TTLL5: variants seen among roughly 807,000 people sequenced by gnomAD.
TTLL5 encodes the protein tubulin polyglutamylase TTLL5.
In TTLL5, 132 loss-of-function variants were observed where a neutral mutation model predicts 168.4. That is an observed-to-expected ratio of 0.78 (90% CI 0.68 to 0.91). The LOEUF is 0.91. TTLL5 is among the 40% of genes least tolerant of loss of function. The pLI, the probability that TTLL5 is intolerant of heterozygous loss-of-function variation, is 0.00. For synonymous variants in TTLL5, 546 were observed against 558.6 expected (o/e 0.98, Z 0.32); for missense variants, 1,545 against 1,581.5 (o/e 0.98, Z 0.39).
chr14:75,716,642 C>T (rs1887481688), intron 9 of TTLL5, among the ~76,000 whole-genome samples: 1 of 151,586 alleles, frequency 6.6e-6, no homozygotes, highest in Non-Finnish European at 1.5e-5. Context: ...CTTGGGAAAA[C>T]CACTCTAGTG....
intron 31 of TTLL5, among the ~76,000 whole-genome samples, chr14:75,906,993 T>A (rs1474501): frequency 0.83 from 126,666 of 152,244 alleles, 52,788 homozygotes; most frequent in Admixed American, 0.88. Flanking sequence ...CATAATTGAG[T>A]TATCACAAAG....
At chr14:75,870,700 GGT>G (rs1349646275) in intron 29 of TTLL5, among the ~76,000 whole-genome samples, 4 of 151,984 alleles carry the variant, frequency 2.6e-5, no homozygotes, top group Non-Finnish European at 4.4e-5. Flanking sequence ...TTCTATGATA[GGT>G]GTTTTTCAGA....
intron 30 of TTLL5, among the ~76,000 whole-genome samples, chr14:75,900,179 G>A (rs994764518): frequency 1.3e-5 from 2 of 152,150 alleles, no homozygotes; most frequent in African/African-American, 2.4e-5. Flanking sequence ...AATAAAATGC[G>A]TGAGGATTTC....
chr14:75,940,089 T>C (rs1369696299), intron 31 of TTLL5, among the ~76,000 whole-genome samples: 8 of 145,092 alleles, frequency 5.5e-5, no homozygotes, highest in Non-Finnish European at 4.5e-5. Flanking sequence ...TTTTTTTTTT[T>C]TTTTTTTTTT....
chr14:75,837,117 T>A (rs1895911395), intron 28 of TTLL5: 1 of 152,266 alleles, frequency 6.6e-6, no homozygotes, highest in Non-Finnish European at 1.5e-5. Flanking sequence ...GCAGTTAAGG[T>A]GTCAGCCAAG....
chr14:75,917,720 C>T (rs1210220160), intron 31 of TTLL5, among the ~76,000 whole-genome samples: 2 of 152,258 alleles, frequency 1.3e-5, no homozygotes, highest in Admixed American at 6.5e-5. Flanking sequence ...GAACCGCCTT[C>T]GAAGGGACAG....
intron 28 of TTLL5, among the ~76,000 whole-genome samples, chr14:75,846,663 G>A (rs985711895): frequency 6.6e-6 from 1 of 152,008 alleles, no homozygotes; most frequent in Non-Finnish European, 1.5e-5. Context: ...GGTGGCGCGT[G>A]CCCGTAATCC....
At chr14:75,875,513 G>A (rs1348833101) in intron 29 of TTLL5, among the ~76,000 whole-genome samples, 1 of 151,266 alleles carries the variant, frequency 6.6e-6, no homozygotes, top group Admixed American at 6.6e-5. Context: ...CTGCACTCCA[G>A]CCTGGCAACA....
intron 31 of TTLL5, among the ~76,000 whole-genome samples, chr14:75,935,206 C>CG (rs749745898): frequency 3.0e-4 from 45 of 152,122 alleles, no homozygotes; most frequent in Non-Finnish European, 4.7e-4. Flanking sequence ...CAATCAGAGT[C>CG]TATGTGGCAA....
At chr14:75,791,887 A>T (rs1566606329) in intron 26 of TTLL5, among the ~76,000 whole-genome samples, 1 of 152,056 alleles carries the variant, frequency 6.6e-6, no homozygotes, top group Non-Finnish European at 1.5e-5. Context: ...TGACTTTTAC[A>T]ATCAGGAAAA....
At chr14:75,848,144 T>C (rs1896656269) in intron 28 of TTLL5, among the ~76,000 whole-genome samples, 1 of 152,032 alleles carries the variant, frequency 6.6e-6, no homozygotes, top group Non-Finnish European at 1.5e-5. Context: ...GGCAGGTTAC[T>C]GGAGCCAGAA....
At chr14:75,735,350 A>G in intron 15 of TTLL5, 61 bp downstream of exon 15, 1 of 1,539,008 alleles carries the variant, frequency 6.5e-7, no homozygotes, top group South Asian at 1.1e-5. Flanking sequence ...CGGCTGATGT[A>G]ACTGTGGGAG....
At chr14:75,750,699 C>T (rs1445580107) in intron 17 of TTLL5, among the ~76,000 whole-genome samples, 8 of 152,126 alleles carry the variant, frequency 5.3e-5, no homozygotes, top group Admixed American at 5.2e-4. Flanking sequence ...GCCAGTGCCC[C>T]TAAACCCCAC....
chr14:75,827,222 T>C (rs1895221344), intron 28 of TTLL5, among the ~76,000 whole-genome samples: 1 of 152,150 alleles, frequency 6.6e-6, no homozygotes, highest in Non-Finnish European at 1.5e-5. Flanking sequence ...TATATGGTAT[T>C]TGCTACACTG....
chr14:75,836,955 T>C (rs909361650), intron 28 of TTLL5, among the ~76,000 whole-genome samples: 73 of 152,338 alleles, frequency 4.8e-4, no homozygotes, highest in Non-Finnish European at 9.4e-4. Flanking sequence ...ATCAATGTGA[T>C]TGCATTGGTT....
At chr14:75,862,095 G>A (rs1444151061) in intron 28 of TTLL5, among the ~76,000 whole-genome samples, 1 of 152,118 alleles carries the variant, frequency 6.6e-6, no homozygotes, top group Non-Finnish European at 1.5e-5. Flanking sequence ...CACATAAGTG[G>A]CATCATATAA....
rs150898821 is a variant in TTLL5 at position 75,766,268 on chromosome 14, G to A, written c.1915G>A (p.Glu639Lys). The A allele has an allele frequency of 3.1e-6, 5 of 1,614,058 alleles. No homozygotes were observed. The African/African-American group carries it at 6.7e-5, about 22-fold the overall frequency. The part of the protein sequence containing the change: ...TPKENSMKVR[E>K]WNNKGGHCCK... ...CAAAGAAAATTCCATGAAAGTTCGTGAATGGAATAATAAAGGTGGACACTG... is the reference window on the plus strand; with the variant it reads ...CAAAGAAAATTCCATGAAAGTTCGTAAATGGAATAATAAAGGTGGACACTG... The change falls in exon 20 of 32, where the codon GAA becomes AAA. Residue 639 changes from glutamate (E) to lysine (K), a missense_variant. Physicochemically the swap from Glu to Lys is moderately conservative, Grantham distance 56. Coordinates refer to ENST00000298832, the MANE Select transcript of TTLL5 (RefSeq NM_015072.5).
At chr14:75,763,310 ACATTGGAAC>A (rs1395775380) in intron 18 of TTLL5, among the ~76,000 whole-genome samples, 5 of 150,096 alleles carry the variant, frequency 3.3e-5, no homozygotes, top group Non-Finnish European at 7.4e-5. Flanking sequence ...CTGATAAAAT[ACATTGGAAC>A]CATTTTTAAA....
At position 75,766,336 on chromosome 14, in the gene TTLL5, G is replaced by C; in HGVS notation, c.1983G>C (p.Leu661=). 7 of 1,612,446 alleles carry C rather than the reference G, an allele frequency of 4.3e-6. No individual in the cohort carries two copies. Among genetic ancestry groups the C allele is most frequent in the Non-Finnish European group, 5.9e-6 (7 of 1,179,490 alleles). Residue 661 remains leucine (L), a synonymous_variant, in exon 20 of 32, where the codon CTG becomes CTC. Coordinates refer to ENST00000298832, the MANE Select transcript of TTLL5 (RefSeq NM_015072.5). ...ETQELEPKFN[L]MQILQDNGNL... is the part of the protein sequence containing the mutation. ...AGGAGCTAGAGCCTAAATTTAACCT[G>C]ATGCAGATTCTTCAAGATAATGGCA...
Sources: allele counts gnomAD v4.1 joint callset (sites outside exome capture counted in the v4.1 genomes callset), GRCh38; gene constraint gnomAD v4.1.1; transcripts MANE v1.5; gene names NCBI Gene and HGNC (gene_info 2026-07-23, HGNC 2026-07-21).